Variants in PRXL2A observed in about 807,000 individuals in gnomAD.
The protein encoded by PRXL2A is peroxiredoxin-like 2A.
Under a neutral mutation model 25.6 loss-of-function variants are expected in PRXL2A, and 26 were observed. The observed-to-expected ratio is 1.02, with a 90% CI of 0.74 to 1.41. The LOEUF is 1.41. PRXL2A is among the 40% of genes most tolerant of loss of function. The pLI is 0.00. For missense variants in PRXL2A, 246 were observed against 273.9 expected, an observed-to-expected ratio of 0.90 and a Z score of 0.72; for synonymous variants, 98 against 102.9, an observed-to-expected ratio of 0.95 and a Z score of 0.29.
chr10:80,427,182 A>AGT (rs1845069592), intron 4 of PRXL2A, 150 bp from the exon 5 acceptor site: 9 of 524,664 alleles, frequency 1.7e-5, no homozygotes, highest in South Asian at 7.3e-5. Context: ...GAATGTGGGC[A>AGT]GTGTGTGTGT....
At chr10:80,425,716 G>T in intron 3 of PRXL2A, 150 bp from the exon 4 acceptor site, 2 of 883,238 alleles carry the variant, frequency 2.3e-6, no homozygotes. Flanking sequence ...CTGCTCCCAA[G>T]CTGTGGTTAG....
At position 80,427,508 on chromosome 10, in the gene PRXL2A, G is replaced by C; in HGVS notation, c.576+12G>C. 5 of 1,613,746 alleles carry C rather than the reference G, an allele frequency of 3.1e-6. No homozygotes were observed. The highest frequency in any genetic ancestry group is 4.2e-6 in the Non-Finnish European group (5 of 1,179,808). ...GATCAGGAAAGCAGGTGAGTTCTTGGTGTTTACTTGTGGTCTGTAGGTGTC... is the reference window on the plus strand; with the variant it reads ...GATCAGGAAAGCAGGTGAGTTCTTGCTGTTTACTTGTGGTCTGTAGGTGTC... On this transcript the variant is annotated intron_variant, in intron 5 of 5. Transcript: ENST00000606162.
At chr10:80,426,474 T>C (rs1845046703) in intron 4 of PRXL2A, among the ~76,000 whole-genome samples, 1 of 152,222 alleles carries the variant, frequency 6.6e-6, no homozygotes, top group South Asian at 2.1e-4. Flanking sequence ...GTGTATTAAA[T>C]GCATTTCAAT....
chr10:80,421,750 A>G (rs549507621), intron 2 of PRXL2A, among the ~76,000 whole-genome samples: 15 of 152,104 alleles, frequency 9.9e-5, no homozygotes, highest in South Asian at 2.1e-4. Flanking sequence ...CACCAACTCT[A>G]TATTACCAGA....
chr10:80,408,867 A>G (rs1844359183), intron 1 of PRXL2A, among the ~76,000 whole-genome samples: 1 of 152,130 alleles, frequency 6.6e-6, no homozygotes, highest in African/African-American at 2.4e-5. Flanking sequence ...CGGCCGATGG[A>G]AAAACCCTGC....
chr10:80,412,631 TC>T (rs1191589654), intron 1 of PRXL2A, among the ~76,000 whole-genome samples: 2 of 152,080 alleles, frequency 1.3e-5, no homozygotes, highest in African/African-American at 4.8e-5. Context: ...ATAGAAGAGG[TC>T]AGTGAGCAGT....
intron 1 of PRXL2A, chr10:80,419,966 T>C (rs938476318): frequency 1.0e-6 from 1 of 985,200 alleles, no homozygotes; most frequent in Non-Finnish European, 1.2e-6. Context: ...GGAAAGAAGA[T>C]AGGGGAACAA....
rs189135774 is a variant in PRXL2A at position 80,432,300 on chromosome 10, A to C, written c.*201A>C. On this transcript the variant is annotated 3_prime_UTR_variant, in exon 6 of 6. Coordinates refer to ENST00000606162, the MANE Select transcript of PRXL2A (RefSeq NM_032333.5). ...AAACAAGACTGACAAAAATCTGAAA[A>C]ACTAATGAGGATTATTAAGCTAAAA... The C allele has an allele frequency of 7.0e-3, 3,511 of 504,926 alleles. 14 individuals carry two copies. The highest frequency in any genetic ancestry group is 8.7e-3 in the Non-Finnish European group (2,531 of 292,214). The allele number at this position is 504,926 out of a possible 1,614,324, so 31.3% of individuals were successfully genotyped here.
intron 1 of PRXL2A, among the ~76,000 whole-genome samples, chr10:80,414,773 A>G (rs1441652184): frequency 2.6e-5 from 4 of 152,220 alleles, no homozygotes; most frequent in Non-Finnish European, 5.9e-5. Flanking sequence ...TTGCATCACA[A>G]GACTGTTGAG....
In PRXL2A at chr10:80,432,335, T is replaced by C; in HGVS notation, c.*236T>C. 2.3e-6 allele frequency: 1 copy of C among 436,842 alleles called. No individual in the cohort carries two copies. Among genetic ancestry groups the C allele is most frequent in the Non-Finnish European group, 4.0e-6 (1 of 250,518 alleles). 27.1% of individuals were successfully genotyped at this position (436,842 alleles called of 1,614,324 possible). Reference sequence around the variant, plus strand: ...GATTATTAAGCTAAAACCTGGGAAATAGGAGGCTTAAAATTGACTGCCAGG... The same window carrying C: ...GATTATTAAGCTAAAACCTGGGAAACAGGAGGCTTAAAATTGACTGCCAGG... On this transcript the variant is annotated 3_prime_UTR_variant, in exon 6 of 6. Transcript: ENST00000606162.
At chr10:80,413,780 G>T in intron 1 of PRXL2A, 1 of 1,026,842 alleles carries the variant, frequency 9.7e-7, no homozygotes, top group Non-Finnish European at 1.2e-6. Context: ...ACCTAGTCCC[G>T]CCTCCAGCCC....
intron 1 of PRXL2A, among the ~76,000 whole-genome samples, chr10:80,413,548 C>T (rs1278246363): frequency 6.6e-6 from 1 of 152,198 alleles, no homozygotes; most frequent in African/African-American, 2.4e-5. Context: ...AGCTTTGCTT[C>T]TTTAGTCTGC....
chr10:80,414,404 G>A (rs944589129), intron 1 of PRXL2A, among the ~76,000 whole-genome samples: 3 of 152,092 alleles, frequency 2.0e-5, no homozygotes, highest in African/African-American at 7.2e-5. Flanking sequence ...GATAGAAAGG[G>A]GGAGGAAAGA....
At chr10:80,429,880 C>A (rs1453951179) in intron 5 of PRXL2A, among the ~76,000 whole-genome samples, 1 of 152,144 alleles carries the variant, frequency 6.6e-6, no homozygotes, top group Admixed American at 6.5e-5. Context: ...CCTTTTCTTG[C>A]CTGGCGATGA....
upstream of PRXL2A, among the ~76,000 whole-genome samples, chr10:80,408,133 G>C (rs34571827): frequency 1.1e-4 from 17 of 150,572 alleles, no homozygotes; most frequent in Non-Finnish European, 2.2e-4. Context: ...CTCATCGAAT[G>C]TGTCGGTCCT....
At chr10:80,412,155 CA>C (rs1319606395) in intron 1 of PRXL2A, among the ~76,000 whole-genome samples, 1 of 152,092 alleles carries the variant, frequency 6.6e-6, no homozygotes, top group Non-Finnish European at 1.5e-5. Context: ...CTTTGGATGT[CA>C]GAGCTAAGAC....
upstream of PRXL2A, chr10:80,408,085 G>A (rs544380757): frequency 6.6e-6 from 1 of 152,122 alleles, no homozygotes; most frequent in South Asian, 2.1e-4. Flanking sequence ...GAGGATTGAG[G>A]TTGGAAATTC....
At chr10:80,419,571 G>A (rs534215364) in intron 1 of PRXL2A, among the ~76,000 whole-genome samples, 98 of 151,756 alleles carry the variant, frequency 6.5e-4, no homozygotes, top group Non-Finnish European at 1.1e-3. Context: ...GCCTCCCAAA[G>A]TGCTGGGATT....
intron 1 of PRXL2A, among the ~76,000 whole-genome samples, chr10:80,414,168 G>A (rs1017280260): frequency 6.6e-5 from 10 of 152,156 alleles, no homozygotes; most frequent in Non-Finnish European, 1.0e-4. Context: ...ACTGGGTCTC[G>A]TCCTCTTGCA....
Sources: gnomAD v4.1 joint callset for allele counts (sites outside exome capture counted in the v4.1 genomes callset) on GRCh38, gnomAD v4.1.1 for gene constraint, MANE v1.5 for transcripts, NCBI Gene and HGNC (gene_info 2026-07-23, HGNC 2026-07-21) for gene names.